KCNH8: variants seen among roughly 807,000 people sequenced by gnomAD.
KCNH8 encodes the protein voltage-gated delayed rectifier potassium channel KCNH8.
KCNH8 carries 70 observed loss-of-function variants against 103.6 expected under a neutral mutation model. The ratio of observed to expected loss-of-function variants is 0.68; its 90% CI spans 0.56 to 0.82. The LOEUF is 0.82. Ranked by LOEUF, KCNH8 falls within the 40% of genes least tolerant of loss-of-function variation. The probability of loss-of-function intolerance (pLI) is 0.00; values close to 1 mark genes in which losing one functional copy is unlikely to be tolerated. For synonymous variants in KCNH8, 498 were observed against 489.4 expected, an observed-to-expected ratio of 1.02 and a Z score of -0.23; for missense variants, 1,217 against 1,329.9, an observed-to-expected ratio of 0.92 and a Z score of 1.32.
intron 1 of KCNH8, among the ~76,000 whole-genome samples, chr3:19,204,203 T>A (rs1211071868): frequency 6.6e-6 from 1 of 152,066 alleles, no homozygotes; most frequent in African/African-American, 2.4e-5. Flanking sequence ...CAACTGAAGC[T>A]ACTACTTTCT....
chr3:19,533,601 T>G lies in KCNH8; in HGVS notation c.2826T>G (p.Ala942=). 6.2e-7 allele frequency: 1 copy of G among 1,614,196 alleles called. No homozygotes were observed. Among genetic ancestry groups the G allele is most frequent in the South Asian group, 1.1e-5 (1 of 91,086 alleles). ...QPCLHLQTGG[A]AYTQAQLCSS... ...GCCTACACTTGCAAACAGGCGGGGCTGCTTATACCCAAGCACAACTTTGTA... is the reference window on the plus strand; with the variant it reads ...GCCTACACTTGCAAACAGGCGGGGCGGCTTATACCCAAGCACAACTTTGTA... The change falls in exon 16 of 16, where the codon GCT becomes GCG. Residue 942 remains alanine (A), a synonymous_variant. Transcript: ENST00000328405.
At chr3:19,223,555 G>C (rs1296511593) in intron 1 of KCNH8, among the ~76,000 whole-genome samples, 1 of 152,066 alleles carries the variant, frequency 6.6e-6, no homozygotes, top group African/African-American at 2.4e-5. Flanking sequence ...TGCTGAGCTT[G>C]TATATTAAGT....
intron 8 of KCNH8, among the ~76,000 whole-genome samples, chr3:19,448,677 T>C (rs900217552): frequency 1.3e-5 from 2 of 152,044 alleles, no homozygotes; most frequent in African/African-American, 4.8e-5. Context: ...CTAAGAAATT[T>C]TTAACATAGC....
chr3:19,165,820 T>C (rs1244694460), intron 1 of KCNH8, among the ~76,000 whole-genome samples: 1 of 152,206 alleles, frequency 6.6e-6, no homozygotes, highest in East Asian at 1.9e-4. Context: ...AACTCACTCA[T>C]GTGTATGTAG....
chr3:19,402,273 A>G (rs1325910090), intron 7 of KCNH8, among the ~76,000 whole-genome samples: 2 of 151,938 alleles, frequency 1.3e-5, no homozygotes, highest in Admixed American at 1.3e-4. Context: ...TTGAAGTTTT[A>G]AAAACACACC....
chr3:19,200,780 C>T (rs574839969), intron 1 of KCNH8, among the ~76,000 whole-genome samples: 8 of 152,038 alleles, frequency 5.3e-5, no homozygotes, highest in South Asian at 2.1e-4. Flanking sequence ...TCTCCCAAAC[C>T]GTTACTTTTA....
chr3:19,480,234 G>A (rs1358312905), intron 11 of KCNH8, among the ~76,000 whole-genome samples: 7 of 152,100 alleles, frequency 4.6e-5, no homozygotes, highest in African/African-American at 7.2e-5. Flanking sequence ...TTCCTGCTTC[G>A]CAGTAGTCAA....
chr3:19,235,847 G>T (rs1027344215), intron 1 of KCNH8, among the ~76,000 whole-genome samples: 4 of 152,074 alleles, frequency 2.6e-5, no homozygotes, highest in Non-Finnish European at 5.9e-5. Context: ...TTAGAAAAAT[G>T]GCCAAAATTG....
At chr3:19,397,538 C>CGT (rs142020265) in intron 7 of KCNH8, among the ~76,000 whole-genome samples, 22,161 of 148,976 alleles carry the variant, frequency 0.15, 1,790 homozygotes, top group East Asian at 0.32. Context: ...TATATACACA[C>CGT]ATATATATAT....
At chr3:19,292,512 A>G (rs1416097071) in intron 3 of KCNH8, among the ~76,000 whole-genome samples, 1 of 152,208 alleles carries the variant, frequency 6.6e-6, no homozygotes, top group Non-Finnish European at 1.5e-5. Context: ...GCTATTCTAA[A>G]CAATTATATG....
At chr3:19,499,008 T>C (rs2068513082) in intron 11 of KCNH8, among the ~76,000 whole-genome samples, 1 of 152,102 alleles carries the variant, frequency 6.6e-6, no homozygotes. Context: ...TGGGAGGACA[T>C]TCAAATCAAA....
At chr3:19,403,854 A>G (rs2066653075) in intron 7 of KCNH8, among the ~76,000 whole-genome samples, 1 of 151,860 alleles carries the variant, frequency 6.6e-6, no homozygotes, top group South Asian at 2.1e-4. Flanking sequence ...TGCAATTTTC[A>G]TTATCTGGAC....
intron 3 of KCNH8, among the ~76,000 whole-genome samples, chr3:19,283,349 T>C (rs1422855580): frequency 6.6e-6 from 1 of 152,154 alleles, no homozygotes; most frequent in Non-Finnish European, 1.5e-5. Flanking sequence ...TTCATTTTGC[T>C]TAGGGAACAT....
chr3:19,503,124 A>G (rs2125235377), intron 11 of KCNH8, among the ~76,000 whole-genome samples: 1 of 151,518 alleles, frequency 6.6e-6, no homozygotes, highest in South Asian at 2.1e-4. Context: ...AAAGGACATG[A>G]ACAGACACTT....
chr3:19,522,548 C>T (rs2068990261), intron 15 of KCNH8, among the ~76,000 whole-genome samples: 1 of 151,864 alleles, frequency 6.6e-6, no homozygotes, highest in Admixed American at 6.6e-5. Context: ...TATATTCAGT[C>T]TACTGATTCA....
At chr3:19,447,324 G>A (rs1479696487) in intron 8 of KCNH8, among the ~76,000 whole-genome samples, 1 of 151,878 alleles carries the variant, frequency 6.6e-6, no homozygotes, top group Admixed American at 6.6e-5. Flanking sequence ...TTGAAATTGT[G>A]GTGACTCAGA....
intron 7 of KCNH8, among the ~76,000 whole-genome samples, chr3:19,400,526 A>G (rs538520060): frequency 6.6e-6 from 1 of 152,066 alleles, no homozygotes; most frequent in East Asian, 1.9e-4. Context: ...AAGGTCAAAG[A>G]GTATTTTGTA....
intron 7 of KCNH8, among the ~76,000 whole-genome samples, chr3:19,419,660 C>T (rs1358480098): frequency 6.6e-6 from 1 of 151,818 alleles, no homozygotes; most frequent in Admixed American, 6.6e-5. Flanking sequence ...TTTAATTTCT[C>T]AGAAACTCAG....
chr3:19,316,633 A>G (rs932801616), intron 3 of KCNH8, among the ~76,000 whole-genome samples: 1 of 151,956 alleles, frequency 6.6e-6, no homozygotes, highest in Non-Finnish European at 1.5e-5. Flanking sequence ...TCATGTTGTC[A>G]ATATCATGCT....
Sources: gnomAD v4.1 joint callset for allele counts (sites outside exome capture counted in the v4.1 genomes callset) on GRCh38, gnomAD v4.1.1 for gene constraint, MANE v1.5 for transcripts, NCBI Gene and HGNC (gene_info 2026-07-23, HGNC 2026-07-21) for gene names.